The following DOCK9 variants were observed in gnomAD, a reference collection of about 807,000 sequenced individuals.
DOCK9 encodes dedicator of cytokinesis protein 9.
A neutral mutation model predicts 263.3 loss-of-function variants in DOCK9; 89 were observed. The ratio of observed to expected loss-of-function variants is 0.34; its 90% confidence interval spans 0.28 to 0.40. The LOEUF (loss-of-function observed/expected upper bound fraction) is 0.40. DOCK9 is among the 10% of genes least tolerant of loss of function. The probability of loss-of-function intolerance (pLI) is 1.00; values close to 1 mark genes in which losing one functional copy is unlikely to be tolerated. For synonymous variants in DOCK9, 976 were observed against 973.1 expected (o/e 1.00, Z -0.06); for missense variants, 2,140 against 2,603.4 (o/e 0.82, Z 3.87).
At chr13:99,047,623 A>G (rs1431979623) in intron 1 of DOCK9, among the ~76,000 whole-genome samples, 2 of 146,532 alleles carry the variant, frequency 1.4e-5, no homozygotes, top group Admixed American at 7.0e-5. Flanking sequence ...CCTTCAAGCC[A>G]TTCTCCTGCC....
intron 1 of DOCK9, among the ~76,000 whole-genome samples, chr13:98,971,629 A>G (rs1177950968): frequency 1.3e-5 from 2 of 151,830 alleles, no homozygotes; most frequent in Non-Finnish European, 2.9e-5. Context: ...AATGGCATGA[A>G]CCCGGAAGGC....
At chr13:99,024,896 T>C (rs1226157442) in intron 1 of DOCK9, among the ~76,000 whole-genome samples, 4 of 152,232 alleles carry the variant, frequency 2.6e-5, no homozygotes, top group African/African-American at 4.8e-5. Flanking sequence ...TCCTGGCTTA[T>C]AGTCAGGTTA....
chr13:98,906,737 G>C (rs1375384963), intron 9 of DOCK9, among the ~76,000 whole-genome samples: 1 of 152,172 alleles, frequency 6.6e-6, no homozygotes, highest in African/African-American at 2.4e-5. Context: ...GTATATAATA[G>C]GTCTTTAGCA....
chr13:99,029,845 A>G (rs1887144829), intron 1 of DOCK9, among the ~76,000 whole-genome samples: 4 of 152,252 alleles, frequency 2.6e-5, no homozygotes, highest in South Asian at 4.1e-4. Flanking sequence ...TGTTCACAGC[A>G]GCATTATTCA....
At chr13:98,845,191 T>C in intron 38 of DOCK9, 1 of 477,870 alleles carries the variant, frequency 2.1e-6, no homozygotes, top group Non-Finnish European at 3.6e-6. Flanking sequence ...AAATTAAAAA[T>C]ATGCTCCCCT....
chr13:98,986,721 G>A lies in DOCK9; in HGVS notation c.130-31170C>T, dbSNP rs8000331. Reference sequence around the variant, plus strand: ...ATTTCCTATGTGAACTTAAGAGACCGCCAAGAAATAGAAAACACTGCCAGA... The same window carrying A: ...ATTTCCTATGTGAACTTAAGAGACCACCAAGAAATAGAAAACACTGCCAGA... On this transcript the variant is annotated intron_variant, in intron 1 of 32. Transcript: ENST00000427887. Among the ~76,000 whole-genome samples, 803 of 152,200 alleles carry A rather than the reference G, an allele frequency of 5.3e-3. 6 individuals are homozygous for A. The highest frequency in any genetic ancestry group is 0.018 in the African/African-American group (751 of 41,512).
intron 1 of DOCK9, among the ~76,000 whole-genome samples, chr13:99,052,532 T>C (rs1467408604): frequency 1.3e-5 from 2 of 152,226 alleles, no homozygotes; most frequent in African/African-American, 4.8e-5. Flanking sequence ...TTGAGCATTT[T>C]TCCATATACC....
intron 45 of DOCK9, among the ~76,000 whole-genome samples, chr13:98,811,303 C>T (rs2091275725): frequency 6.6e-6 from 1 of 152,044 alleles, no homozygotes; most frequent in Admixed American, 6.5e-5. Flanking sequence ...ATCTTTTGCT[C>T]ATTTTTCTAC....
chr13:98,987,958 T>A (rs1345511731), intron 1 of DOCK9, among the ~76,000 whole-genome samples: 2 of 152,058 alleles, frequency 1.3e-5, no homozygotes, highest in East Asian at 3.8e-4. Flanking sequence ...TTTTTAAATT[T>A]AAAAAATAAA....
chr13:98,863,131 C>T lies in DOCK9; in HGVS notation c.3467G>A (p.Ser1156Asn), dbSNP rs1410574160. ...HSFDDRYASR[S>N]HQARIATLYL... The stretch of plus-strand genomic sequence containing the variant: ...GAGGGTGGCTATCCTTGCCTGATGG[C>T]TCTGAAAAGAAGACACACATGGTAA... Residue 1156 changes from serine (S) to asparagine (N), a missense_variant and splice_region_variant, in exon 32 of 53, where the codon AGC (serine) becomes AAC (asparagine). Around this residue, in one of 2 missense-constraint regions of DOCK9, gnomAD observed 1,521 missense variants for 1,741.7 expected, o/e 0.87. Transcript: ENST00000682017. The T allele has an allele frequency of 9.4e-6, 15 of 1,601,374 alleles. No homozygotes were observed. The highest frequency in any genetic ancestry group is 1.3e-5 in the African/African-American group (1 of 74,742).
chr13:98,843,095 A>G (rs2093278429), intron 38 of DOCK9, among the ~76,000 whole-genome samples: 1 of 152,154 alleles, frequency 6.6e-6, no homozygotes, highest in Non-Finnish European at 1.5e-5. Context: ...CTGAGTTCTG[A>G]CAAAGCCTTT....
Position 98,809,415 on chromosome 13 carries a change from G to C in DOCK9, c.5304C>G (p.Thr1768=). ...DTLHRAYSKV[T]EVMHSGRRLL... ...GCCTGCGGCCCGAGTGCATGACCTC[G>C]GTCACTTTGCTGTAGGCCCGGTGCA... Residue 1768 remains threonine, a synonymous_variant, in exon 47 of 53, where the codon ACC becomes ACG. Coordinates refer to ENST00000682017, the MANE Select transcript of DOCK9 (RefSeq NM_001366683.2). 6.2e-7 allele frequency: 1 copy of C among 1,613,422 alleles called. No homozygotes were observed. The highest frequency in any genetic ancestry group is 8.5e-7 in the Non-Finnish European group (1 of 1,179,726).
chr13:98,980,705 G>A (rs34183009), upstream of DOCK9, among the ~76,000 whole-genome samples: 49,477 of 151,992 alleles, frequency 0.33, 8,346 homozygotes, highest in Middle Eastern at 0.44. Context: ...TTTGCTGTGT[G>A]ATCTAAAATG....
intron 4 of DOCK9, 61 bp from the exon 5 acceptor site, chr13:98,923,432 T>C (rs1242641036): frequency 2.1e-6 from 3 of 1,398,118 alleles, no homozygotes; most frequent in South Asian, 1.2e-5. Flanking sequence ...AGGCTTTGCA[T>C]TTCTTCCTCC....
intron 2 of DOCK9, among the ~76,000 whole-genome samples, chr13:98,946,072 G>A (rs1210454671): frequency 6.6e-6 from 1 of 152,206 alleles, no homozygotes; most frequent in African/African-American, 2.4e-5. Flanking sequence ...CAGTGTGGCT[G>A]CAGACAGACA....
chr13:98,804,277 T>C (rs1460819778), intron 49 of DOCK9, among the ~76,000 whole-genome samples: 1 of 152,324 alleles, frequency 6.6e-6, no homozygotes, highest in African/African-American at 2.4e-5. Context: ...ACCCCAGTGA[T>C]GTCGCTGACC....
chr13:98,932,850 C>G (rs1567009077), intron 2 of DOCK9, among the ~76,000 whole-genome samples: 1 of 152,144 alleles, frequency 6.6e-6, no homozygotes, highest in Non-Finnish European at 1.5e-5. Flanking sequence ...ATTCCTTCAG[C>G]CTCCTAGGTC....
intron 45 of DOCK9, among the ~76,000 whole-genome samples, chr13:98,810,840 C>T (rs1454395580): frequency 6.6e-6 from 1 of 152,160 alleles, no homozygotes; most frequent in African/African-American, 2.4e-5. Flanking sequence ...GTTAACACTA[C>T]CCATGGCTTA....
At chr13:98,959,698 G>A (rs1356312978) in intron 1 of DOCK9, among the ~76,000 whole-genome samples, 1 of 152,224 alleles carries the variant, frequency 6.6e-6, no homozygotes, top group Non-Finnish European at 1.5e-5. Flanking sequence ...GGAGCAGAAG[G>A]AGATGCAGGG....
Sources: gnomAD v4.1 joint callset for allele counts (sites outside exome capture counted in the v4.1 genomes callset) on GRCh38, gnomAD v4.1.1 for gene constraint, gnomAD v4.1.1 regional missense constraint, MANE v1.5 for transcripts, NCBI Gene and HGNC (gene_info 2026-07-23, HGNC 2026-07-21) for gene names.